Variants in SPTBN2 observed in about 807,000 individuals in gnomAD.
The protein encoded by SPTBN2 is spectrin beta chain, non-erythrocytic 2.
A neutral mutation model predicts 284.2 loss-of-function variants in SPTBN2; 107 were observed. The observed-to-expected ratio is 0.38, with a 90% CI of 0.32 to 0.44. The LOEUF is 0.44. Ranked by LOEUF, SPTBN2 falls within the 20% of genes least tolerant of loss-of-function variation. SPTBN2 has a pLI of 1.00. For synonymous variants in SPTBN2, 1,289 were observed against 1,354.8 expected (o/e 0.95, Z 1.07); for missense variants, 2,569 against 3,287.1 (o/e 0.78, Z 5.34).
At chr11:66,734,594 C>T (rs997764173) in intron 1 of SPTBN2, among the ~76,000 whole-genome samples, 4 of 152,208 alleles carry the variant, frequency 2.6e-5, no homozygotes, top group Non-Finnish European at 5.9e-5. Context: ...GTTACTTCCT[C>T]TGGAAAGCCC....
rs1160504642 is a variant in SPTBN2, at chr11:66,698,743, C to T, written c.3910G>A (p.Val1304Met). The T allele has an allele frequency of 3.7e-6, 6 of 1,614,170 alleles. No individual in the cohort carries two copies. The highest frequency in any genetic ancestry group is 4.2e-6 in the Non-Finnish European group (5 of 1,180,056). Residue 1304 changes from valine to methionine, a missense_variant, in exon 20 of 38, where the codon GTG becomes ATG. Physicochemically the swap from Val to Met is conservative, Grantham distance 21 (BLOSUM62 1). Transcript: ENST00000533211. ...AGGTTGCGGGCCTCGTCATAGGACA[C>T]GTCCTGGGCTGTCAGCATCTTCTCG... ...IDEKMLTAQD[V>M]SYDEARNLHT...
At position 66,687,602 on chromosome 11, in the gene SPTBN2, G is replaced by T; in HGVS notation, c.6547C>A (p.Gln2183Lys). 6.2e-7 allele frequency: 1 copy of T among 1,608,726 alleles called. No homozygotes were observed. The highest frequency in any genetic ancestry group is 1.1e-5 in the South Asian group (1 of 90,924). ...GGGGCCGGGCCCCGAGTCCGGGTCT[G>T]CCTCTCTCCCCGGGGCCCATTGGCT... Reference protein sequence around the residue: ...DEANGPRGERQTRTRGPAPSA... With the variant: ...DEANGPRGERKTRTRGPAPSA... The change falls in exon 35 of 38, where the codon CAG (glutamine) becomes AAG (lysine). Residue 2183 changes from glutamine (Q) to lysine (K), a missense_variant. Gln to Lys is a moderately conservative substitution (Grantham distance 53). Coordinates refer to ENST00000533211, the MANE Select transcript of SPTBN2 (RefSeq NM_006946.4). This position sits in a 1 kb window ranked among gnomAD's most constrained non-coding sequence, Gnocchi z 5.2.
chr11:66,715,255 A>G lies in SPTBN2; in HGVS notation c.450T>C (p.Leu150=). The G allele has an allele frequency of 1.2e-6, 2 of 1,614,208 alleles. No homozygotes were observed. Among genetic ancestry groups the G allele is most frequent in the South Asian group, 2.2e-5 (2 of 91,080 alleles). The change falls in exon 5 of 38, where the codon CTT becomes CTC. Residue 150 remains leucine (L), a synonymous_variant. Coordinates refer to ENST00000533211, the MANE Select transcript of SPTBN2 (RefSeq NM_006946.4). This position sits in a 1 kb window ranked among gnomAD's most constrained non-coding sequence, Gnocchi z 5.3. ...GAAGGATGATGGTCCAGACCAGCCC[A>G]AGGGTCAGTCGGTGGTTTCCGTCCA... ...DIVDGNHRLT[L]GLVWTIILRF... is the part of the protein sequence containing the mutation.
rs1414166447 is a variant in SPTBN2 at position 66,692,968 on chromosome 11, A to T, written c.4985+2T>A. 6.2e-7 allele frequency: 1 copy of T among 1,604,052 alleles called. No individual in the cohort carries two copies. Among genetic ancestry groups the T allele is most frequent in the East Asian group, 2.2e-5 (1 of 44,856 alleles). On this transcript the variant is annotated splice_donor_variant, in intron 25 of 37. Transcript: ENST00000533211. LOFTEE classifies it high-confidence loss of function. Reference sequence around the variant, plus strand: ...GCTGGGCCGGGCTGCCGCTGCACCCACCTCTCTGGGTGCTCGTGGTCAATC... The same window carrying T: ...GCTGGGCCGGGCTGCCGCTGCACCCTCCTCTCTGGGTGCTCGTGGTCAATC...
chr11:66,740,928 T>G (rs1362387805), intron 1 of SPTBN2, among the ~76,000 whole-genome samples: 1 of 152,094 alleles, frequency 6.6e-6, no homozygotes, highest in East Asian at 1.9e-4. Context: ...GAGGGCACAT[T>G]CAAAAGGAAA....
intron 1 of SPTBN2, chr11:66,728,508 T>C (rs1420901823): frequency 6.7e-6 from 1 of 150,238 alleles, no homozygotes; most frequent in Admixed American, 6.6e-5. Context: ...AGTCGCCCCT[T>C]CCCCGCCCAG....
chr11:66,714,594 A>T (rs1275274592), intron 5 of SPTBN2, among the ~76,000 whole-genome samples, 187 bp from the exon 6 acceptor site: 1 of 152,224 alleles, frequency 6.6e-6, no homozygotes, highest in East Asian at 1.9e-4. Flanking sequence ...TTGAGGCAGC[A>T]GATTAGGGTA....
At chr11:66,721,575 G>C in intron 1 of SPTBN2, 135 bp from the exon 2 acceptor site, 1 of 408,752 alleles carries the variant, frequency 2.4e-6, no homozygotes. Context: ...GAAGAAAGGG[G>C]TGATGGGCTT....
chr11:66,743,132 C>A (rs1942911322), intron 1 of SPTBN2, among the ~76,000 whole-genome samples: 1 of 144,672 alleles, frequency 6.9e-6, no homozygotes, highest in Non-Finnish European at 1.5e-5. Context: ...GGATGGGGAG[C>A]TCTGCGGGGG....
At chr11:66,728,317 C>CG (rs996610049) in intron 1 of SPTBN2, 1 of 144,490 alleles carries the variant, frequency 6.9e-6, no homozygotes, top group Non-Finnish European at 1.5e-5. Flanking sequence ...GCAGGCGGCG[C>CG]GGGGGGCGCG....
rs534825168 is a variant in SPTBN2 at position 66,693,278 on chromosome 11, G to A, written c.4762C>T (p.Leu1588=). The part of the protein sequence containing the change: ...ELRGKRLEDA[L]RAQQFYRDAA... Reference sequence around the variant, plus strand: ...TCGCGGTAGAACTGCTGGGCTCGCAGGGCATCCTCCAGTCGCTTCCCTCGA... The same window carrying A: ...TCGCGGTAGAACTGCTGGGCTCGCAAGGCATCCTCCAGTCGCTTCCCTCGA... The change falls in exon 24 of 38, where the codon CTG becomes TTG. Residue 1588 remains leucine, a synonymous_variant. Coordinates refer to ENST00000533211, the MANE Select transcript of SPTBN2 (RefSeq NM_006946.4). This position sits in a 1 kb window ranked among gnomAD's most constrained non-coding sequence, Gnocchi z 5.7. 2 of 1,613,934 alleles carry A rather than the reference G, an allele frequency of 1.2e-6. No individual in the cohort carries two copies. Among genetic ancestry groups the A allele is most frequent in the Non-Finnish European group, 8.5e-7 (1 of 1,180,040 alleles).
intron 1 of SPTBN2, among the ~76,000 whole-genome samples, chr11:66,743,723 A>G (rs960438301): frequency 2.0e-5 from 3 of 152,148 alleles, no homozygotes; most frequent in Non-Finnish European, 4.4e-5. Flanking sequence ...GTCTTGGCAC[A>G]TTCAGTGCAG....
exon 1 of SPTBN2, chr11:66,744,644 C>T (rs1021760019): frequency 4.5e-5 from 16 of 357,442 alleles, no homozygotes; most frequent in Non-Finnish European, 6.3e-5. Flanking sequence ...TGGCTCCCGG[C>T]GGCGGTTCGC....
rs1179848554 is a variant in SPTBN2 at position 66,700,660 on chromosome 11, G to T, written c.3439C>A (p.Leu1147Met). Residue 1147 changes from leucine (L) to methionine (M), a missense_variant, in exon 17 of 38, where the codon CTG becomes ATG. Coordinates refer to ENST00000533211, the MANE Select transcript of SPTBN2 (RefSeq NM_006946.4). This position sits in a 1 kb window ranked among gnomAD's most constrained non-coding sequence, Gnocchi z 6.6. Reference sequence around the variant, plus strand: ...TCCCAGCCAGTTCCCAGGGCCTCCAGTCGCTGTCGTAGGAAGAGGCACTGG... The same window carrying T: ...TCCCAGCCAGTTCCCAGGGCCTCCATTCGCTGTCGTAGGAAGAGGCACTGG... Reference protein sequence around the residue: ...DPQCLFLRQRLEALGTGWEEL... With the variant: ...DPQCLFLRQRMEALGTGWEEL... The T allele has an allele frequency of 6.2e-7, 1 of 1,607,514 alleles. No individual in the cohort carries two copies. Among genetic ancestry groups the T allele is most frequent in the Non-Finnish European group, 8.5e-7 (1 of 1,179,926 alleles).
exon 1 of SPTBN2, chr11:66,744,626 G>T: frequency 3.5e-6 from 1 of 282,318 alleles, no homozygotes; most frequent in Non-Finnish European, 5.8e-6. Context: ...GCGCTCAGAG[G>T]CTCTAGGTGG....
In SPTBN2 at chr11:66,705,124, C is replaced by A; in HGVS notation, c.2152G>T (p.Ala718Ser). 1 of 1,546,224 alleles carries A rather than the reference C, an allele frequency of 6.5e-7. No homozygotes were observed. Among genetic ancestry groups the A allele is most frequent in the Non-Finnish European group, 8.7e-7 (1 of 1,149,862 alleles). Reference sequence around the variant, plus strand: ...TGGAGTTCAGCTGCACGGGCAGAGGCCTGGCTTGCCCCAGGGTGACCCTCG... The same window carrying A: ...TGGAGTTCAGCTGCACGGGCAGAGGACTGGCTTGCCCCAGGGTGACCCTCG... ...VAEGHPGASQ[A>S]SARAAELQAQ... The change falls in exon 15 of 38, where the codon GCC (alanine) becomes TCC (serine). Residue 718 changes from alanine (A) to serine (S), a missense_variant. By Grantham distance (99) the Ala-to-Ser change is moderately conservative. This residue lies in a region of SPTBN2 where 1,012 missense variants were observed against 1,248.9 expected (regional missense o/e 0.81). Coordinates refer to ENST00000533211, the MANE Select transcript of SPTBN2 (RefSeq NM_006946.4).
At position 66,708,532 on chromosome 11, in the gene SPTBN2, C is replaced by T. The variant is rs1427770217; in HGVS notation, c.1192-233G>A. On this transcript the variant is annotated intron_variant, in intron 11 of 37. Transcript: ENST00000533211. The surrounding 1 kb of genome is among the most constrained non-coding windows in gnomAD (Gnocchi z 4.4). ...ACGAACAGTGGAAACCATCTGATTC[C>T]TTTGTGTTGGCAGGACTGTGTGCGA... 6.6e-6 allele frequency among the ~76,000 whole-genome samples: 1 copy of T among 152,164 alleles called. No homozygotes were observed. Among genetic ancestry groups the T allele is most frequent in the African/African-American group, 2.4e-5 (1 of 41,428 alleles).
intron 1 of SPTBN2, among the ~76,000 whole-genome samples, chr11:66,722,022 G>C: frequency 6.6e-6 from 1 of 152,026 alleles, no homozygotes; most frequent in East Asian, 1.9e-4. Flanking sequence ...CCTAGATTCT[G>C]CTCTTGAGTT....
chr11:66,685,787 C>G lies in SPTBN2; in HGVS notation c.*84G>C. On this transcript the variant is annotated 3_prime_UTR_variant, in exon 38 of 38. Coordinates refer to ENST00000533211, the MANE Select transcript of SPTBN2 (RefSeq NM_006946.4). This position sits in a 1 kb window ranked among gnomAD's most constrained non-coding sequence, Gnocchi z 4.4. Reference sequence around the variant, plus strand: ...ACAGACCCTAGCAGCAGGCAGTTGTCCTGACAAGAGGGCGGTCCCTGTCGA... The same window carrying G: ...ACAGACCCTAGCAGCAGGCAGTTGTGCTGACAAGAGGGCGGTCCCTGTCGA... 1 of 1,348,682 alleles carries G rather than the reference C, an allele frequency of 7.4e-7. No individual in the cohort carries two copies. The highest frequency in any genetic ancestry group is 1.2e-5 in the South Asian group (1 of 84,658). The allele number at this position is 1,348,682 out of a possible 1,614,324, so 83.5% of individuals were successfully genotyped here.
Sources: gnomAD v4.1 joint callset for allele counts (sites outside exome capture counted in the v4.1 genomes callset) on GRCh38, gnomAD v4.1.1 for gene constraint, gnomAD v4.1.1 regional missense constraint, Gnocchi (gnomAD v3.1) non-coding constraint, MANE v1.5 for transcripts, NCBI Gene and HGNC (gene_info 2026-07-23, HGNC 2026-07-21) for gene names.